Variants in RGS22 observed in about 807,000 individuals in gnomAD.
The protein encoded by RGS22 is regulator of G protein signaling 22, also known as regulator of G-protein signaling 22.
A neutral mutation model predicts 172.9 loss-of-function variants in RGS22; 148 were observed. The observed-to-expected ratio is 0.86, with a 90% CI of 0.75 to 0.98. The LOEUF (loss-of-function observed/expected upper bound fraction) is 0.98, where lower values mean the gene tolerates loss of function less well. RGS22 is among the 50% of genes least tolerant of loss of function. The probability of loss-of-function intolerance (pLI) is 0.00; values close to 1 mark genes in which losing one functional copy is unlikely to be tolerated. For synonymous variants in RGS22, 458 were observed against 480.2 expected, an observed-to-expected ratio of 0.95 and a Z score of 0.60; for missense variants, 1,347 against 1,440.8, an observed-to-expected ratio of 0.93 and a Z score of 1.05.
rs34385626 is a variant in RGS22, at chr8:100,104,329, CGTGTGT to C, written c.54+1039_54+1044del. ...GAGAGACCCTGTCTCAAAATATGTG[CGTGTGT>C]GTGTGTGTGTGTGTGTGTGTGTGTG... On this transcript the variant is annotated intron_variant, in intron 2 of 27. Coordinates refer to ENST00000360863, the MANE Select transcript of RGS22 (RefSeq NM_015668.5). Among the ~76,000 whole-genome samples, 452 of 140,348 alleles carry C rather than the reference CGTGTGT, an allele frequency of 3.2e-3. 3 individuals are homozygous for C. Among genetic ancestry groups the C allele is most frequent in the Non-Finnish European group, 4.4e-3 (288 of 65,572 alleles). The allele number at this position is 140,348 out of a possible 152,430, so 92.1% of individuals were successfully genotyped here.
At chr8:100,021,681 T>C (rs1344995864) in intron 14 of RGS22, among the ~76,000 whole-genome samples, 1 of 151,392 alleles carries the variant, frequency 6.6e-6, no homozygotes, top group Non-Finnish European at 1.5e-5. Flanking sequence ...TGATGGCAAA[T>C]AGCAAAGTAA....
chr8:100,057,279 C>T (rs1321728191), intron 9 of RGS22, among the ~76,000 whole-genome samples: 1 of 152,122 alleles, frequency 6.6e-6, no homozygotes, highest in African/African-American at 2.4e-5. Context: ...GGCTCATAGG[C>T]AGAAGGGACT....
chr8:100,017,400 C>T (rs1018429471), intron 14 of RGS22, among the ~76,000 whole-genome samples: 2 of 152,190 alleles, frequency 1.3e-5, no homozygotes, highest in African/African-American at 4.8e-5. Context: ...GTTGTCTCTG[C>T]TGTTCCTCAC....
At chr8:100,045,845 C>A (rs952147644) in intron 11 of RGS22, among the ~76,000 whole-genome samples, 1 of 151,386 alleles carries the variant, frequency 6.6e-6, no homozygotes, top group African/African-American at 2.4e-5. Context: ...ATAATGTTTT[C>A]TTTATGGGGA....
In RGS22 at chr8:99,983,667, T is replaced by A. The variant is rs118014368; in HGVS notation, c.3181-1551A>T. Among the ~76,000 whole-genome samples the A allele has an allele frequency of 7.9e-4, 121 of 152,314 alleles. No individual in the cohort carries two copies. In the East Asian group the frequency reaches 0.021, roughly 27 times the overall value. ...AGTTTTAAAGTCACAGGTGTAGGAC[T>A]ATCATTTTTTAAAATAAAGAGGTAG... On this transcript the variant is annotated intron_variant, in intron 21 of 27. Transcript: ENST00000360863.
At chr8:100,068,876 A>G (rs1810732831) in intron 6 of RGS22, among the ~76,000 whole-genome samples, 1 of 151,676 alleles carries the variant, frequency 6.6e-6, no homozygotes, top group South Asian at 2.1e-4. Flanking sequence ...TCAAGGCTGC[A>G]GTGAGCTGAG....
chr8:99,973,329 C>T (rs1016390257), intron 23 of RGS22, among the ~76,000 whole-genome samples: 1 of 152,124 alleles, frequency 6.6e-6, no homozygotes, highest in South Asian at 2.1e-4. Context: ...GAATACTACA[C>T]AGGTATAAAA....
intron 9 of RGS22, among the ~76,000 whole-genome samples, chr8:100,060,001 C>T (rs573754188): frequency 6.6e-6 from 1 of 152,286 alleles, no homozygotes; most frequent in South Asian, 2.1e-4. Flanking sequence ...GCTGAGATTA[C>T]AGGCATGAGC....
chr8:99,966,233 C>T (rs1051004316), intron 23 of RGS22, among the ~76,000 whole-genome samples: 2 of 152,102 alleles, frequency 1.3e-5, no homozygotes, highest in African/African-American at 4.8e-5. Context: ...TGGGTACACA[C>T]AGACATATAG....
At chr8:100,103,926 G>A (rs1813700037) in intron 2 of RGS22, among the ~76,000 whole-genome samples, 1 of 152,166 alleles carries the variant, frequency 6.6e-6, no homozygotes, top group Non-Finnish European at 1.5e-5. Flanking sequence ...TCAGCAGCAT[G>A]GGAAAAGATT....
chr8:100,044,336 TC>T (rs1820479237), intron 11 of RGS22, among the ~76,000 whole-genome samples: 1 of 152,268 alleles, frequency 6.6e-6, no homozygotes, highest in African/African-American at 2.4e-5. Flanking sequence ...AACCTCTGCC[TC>T]CTGGGTTAAA....
In RGS22 at chr8:100,002,300, G is replaced by A. The variant is rs1364498287; in HGVS notation, c.2692C>T (p.Gln898Ter). Residue 898 changes from glutamine (Q) to a stop codon, truncating the protein, a stop_gained, in exon 18 of 28, where the codon CAA becomes TAA. Coordinates refer to ENST00000360863, the MANE Select transcript of RGS22 (RefSeq NM_015668.5). LOFTEE classifies it high-confidence loss of function. ...FRRITYRDRN[Q>*]RKAKSIYIKN... ...ATGTATATAGATTTTGCCTTCCTTT[G>A]ATTTCGATCTCTGTAAGTTATTCTC... 1.2e-6 allele frequency: 2 copies of A among 1,611,776 alleles called. No individual in the cohort carries two copies. Among genetic ancestry groups the A allele is most frequent in the South Asian group, 2.2e-5 (2 of 90,684 alleles).
At chr8:99,975,353 C>G (rs556673034) in intron 23 of RGS22, among the ~76,000 whole-genome samples, 1 of 152,092 alleles carries the variant, frequency 6.6e-6, no homozygotes, top group South Asian at 2.1e-4. Context: ...TACTAATAAT[C>G]CTTAATTAAC....
chr8:100,062,495 T>C (rs1275515179), intron 9 of RGS22, 96 bp downstream of exon 9: 6 of 765,494 alleles, frequency 7.8e-6, no homozygotes, highest in African/African-American at 1.8e-5. Flanking sequence ...TGTCATTTTA[T>C]GTTTCCATAA....
In RGS22 at chr8:100,063,715, C is replaced by A. The variant is rs771474354; in HGVS notation, c.1053G>T (p.Val351=). The stretch of plus-strand genomic sequence containing the variant: ...TAGACTCAAAACAATCATCAAATGA[C>A]ACTTTTGTTATATTGTTGAAGTTTA... ...DYINFNNITK[V]SFDDCFESIH... is the part of the protein sequence containing the mutation. Residue 351 remains valine (V), a synonymous_variant, in exon 8 of 28, where the codon GTG becomes GTT. Coordinates refer to ENST00000360863, the MANE Select transcript of RGS22 (RefSeq NM_015668.5). The A allele has an allele frequency of 1.9e-6, 3 of 1,613,936 alleles. No individual in the cohort carries two copies. The highest frequency in any genetic ancestry group is 2.5e-6 in the Non-Finnish European group (3 of 1,179,940).
At chr8:99,969,824 T>C (rs1036393569) in intron 23 of RGS22, among the ~76,000 whole-genome samples, 2 of 152,110 alleles carry the variant, frequency 1.3e-5, no homozygotes, top group African/African-American at 4.8e-5. Context: ...GACAGATCAA[T>C]GAAACAGAAA....
chr8:100,090,371 G>A (rs1194670428), intron 3 of RGS22, among the ~76,000 whole-genome samples: 1 of 152,052 alleles, frequency 6.6e-6, no homozygotes, highest in Non-Finnish European at 1.5e-5. Context: ...TGGATTGGTG[G>A]GCTAGGGGAG....
chr8:100,063,329 T>C, intron 8 of RGS22, 87 bp downstream of exon 8: 1 of 922,730 alleles, frequency 1.1e-6, no homozygotes, highest in African/African-American at 1.7e-5. Context: ...TAAAATTTAC[T>C]TTGGGCTTTC....
At chr8:100,054,909 G>C (rs1319844956) in intron 9 of RGS22, among the ~76,000 whole-genome samples, 3 of 152,190 alleles carry the variant, frequency 2.0e-5, no homozygotes, top group South Asian at 2.1e-4. Context: ...GTGGGGTAAG[G>C]CTCCTCCACC....
Sources: allele counts gnomAD v4.1 joint callset (sites outside exome capture counted in the v4.1 genomes callset), GRCh38; gene constraint gnomAD v4.1.1; transcripts MANE v1.5; gene names NCBI Gene and HGNC (gene_info 2026-07-23, HGNC 2026-07-21).